The following DCAF4 variants were observed in gnomAD, a reference collection of about 807,000 sequenced individuals.
The protein encoded by DCAF4 is DDB1 and CUL4 associated factor 4, also known as DDB1- and CUL4-associated factor 4.
In DCAF4, 37 loss-of-function variants were observed where a neutral mutation model predicts 60.9. The observed-to-expected ratio is 0.61, with a 90% CI of 0.47 to 0.80. The LOEUF (loss-of-function observed/expected upper bound fraction) is 0.80. Ranked by LOEUF, DCAF4 falls within the 30% of genes least tolerant of loss-of-function variation. The pLI is 0.00. For missense variants in DCAF4, 577 were observed against 650.0 expected, an observed-to-expected ratio of 0.89 and a Z score of 1.22; for synonymous variants, 243 against 254.8, an observed-to-expected ratio of 0.95 and a Z score of 0.44.
chr14:72,938,145 C>T (rs1314480781), intron 2 of DCAF4, 75 bp downstream of exon 2: 1 of 1,511,772 alleles, frequency 6.6e-7, no homozygotes, highest in African/African-American at 1.4e-5. Context: ...GTCACACGAT[C>T]ACAGGTGTGG....
chr14:72,939,328 ATCACC>A (rs1320149485), intron 2 of DCAF4, among the ~76,000 whole-genome samples: 1 of 152,176 alleles, frequency 6.6e-6, no homozygotes, highest in Non-Finnish European at 1.5e-5. Flanking sequence ...TACTGAACTA[ATCACC>A]TCTGTCCCCC....
intron 5 of DCAF4, 149 bp from the exon 6 acceptor site, chr14:72,942,845 A>T: frequency 1.5e-6 from 1 of 656,842 alleles, no homozygotes; most frequent in Non-Finnish European, 2.6e-6. Flanking sequence ...ATAATCTGGG[A>T]TCTTGCTCAG....
At chr14:72,947,503 T>C (rs1890886011) in intron 8 of DCAF4, among the ~76,000 whole-genome samples, 3 of 152,186 alleles carry the variant, frequency 2.0e-5, no homozygotes, top group African/African-American at 7.2e-5. Context: ...GCAGTCTGAC[T>C]CCAAGGCCGG....
Position 72,939,836 on chromosome 14 carries a change from T to A in DCAF4, c.127T>A (p.Ser43Thr). 1 of 1,613,338 alleles carries A rather than the reference T, an allele frequency of 6.2e-7. No homozygotes were observed. Among genetic ancestry groups the A allele is most frequent in the Non-Finnish European group, 8.5e-7 (1 of 1,179,684 alleles). Residue 43 changes from serine to threonine, a missense_variant, in exon 3 of 14, where the codon TCC becomes ACC. Coordinates refer to ENST00000358377, the MANE Select transcript of DCAF4 (RefSeq NM_015604.4). ...DSRAAQPAHD[S>T]GHGDDESPST... ...CCGGGCAGCACAGCCCGCTCACGAT[T>A]CCGGCCACGGTGATGACGAGTCTCC...
intron 1 of DCAF4, chr14:72,929,900 G>C: frequency 6.9e-7 from 1 of 1,449,052 alleles, no homozygotes; most frequent in Non-Finnish European, 9.4e-7. Context: ...CCCTTGTTGA[G>C]GCCCACGGCC....
chr14:72,937,220 G>C (rs557442458), intron 1 of DCAF4, among the ~76,000 whole-genome samples: 521 of 17,156 alleles, frequency 0.03, 5 homozygotes, highest in Middle Eastern at 0.14. Context: ...ATTAACATAT[G>C]GGGGAACAGA....
intron 1 of DCAF4, among the ~76,000 whole-genome samples, chr14:72,932,785 G>T (rs995747581): frequency 3.3e-5 from 5 of 152,074 alleles, no homozygotes; most frequent in African/African-American, 1.2e-4. Context: ...GCCCACACTG[G>T]TCTCAAACTC....
chr14:72,943,892 C>T (rs971307702), intron 6 of DCAF4, among the ~76,000 whole-genome samples: 2 of 152,188 alleles, frequency 1.3e-5, no homozygotes, highest in Admixed American at 6.5e-5. Flanking sequence ...GTTGATACTG[C>T]ATCCTCCTGC....
downstream of DCAF4, chr14:72,961,757 C>T (rs1471587769): frequency 2.2e-6 from 2 of 899,040 alleles, no homozygotes; most frequent in East Asian, 1.1e-4. Flanking sequence ...GCAGTGACTA[C>T]ACCTGGTTGG....
downstream of DCAF4, among the ~76,000 whole-genome samples, chr14:72,959,889 A>G (rs1427223061): frequency 6.6e-6 from 1 of 152,224 alleles, no homozygotes; most frequent in Non-Finnish European, 1.5e-5. Flanking sequence ...GCAGTAGAAC[A>G]CAGAGGGCAA....
At chr14:72,946,216 C>A (rs529214196) in intron 7 of DCAF4, among the ~76,000 whole-genome samples, 189 bp downstream of exon 7, 5 of 149,166 alleles carry the variant, frequency 3.4e-5, no homozygotes, top group Non-Finnish European at 7.4e-5. Context: ...CATGGTGAAA[C>A]CTTGTCTCTA....
chr14:72,944,630 A>G (rs377142284), intron 6 of DCAF4, among the ~76,000 whole-genome samples: 11 of 151,982 alleles, frequency 7.2e-5, no homozygotes, highest in African/African-American at 2.7e-4. Flanking sequence ...CCGTCTCTAC[A>G]AAAAAATATA....
intron 13 of DCAF4, among the ~76,000 whole-genome samples, chr14:72,958,392 C>G (rs1892565617): frequency 6.6e-6 from 1 of 152,226 alleles, no homozygotes; most frequent in Admixed American, 6.5e-5. Flanking sequence ...TGTCTCCGAG[C>G]CATTCATGGC....
intron 9 of DCAF4, among the ~76,000 whole-genome samples, chr14:72,952,644 G>T (rs966104623): frequency 5.3e-5 from 8 of 151,556 alleles, no homozygotes; most frequent in Admixed American, 3.3e-4. Context: ...GGAAAGGGAT[G>T]TGAGGGAGGC....
chr14:72,947,002 C>T (rs932432572), intron 7 of DCAF4, 140 bp from the exon 8 acceptor site: 33 of 1,129,328 alleles, frequency 2.9e-5, no homozygotes, highest in African/African-American at 6.1e-5. Flanking sequence ...GCCCCACCCT[C>T]AGAATGCTTG....
chr14:72,948,388 G>A (rs934107822), intron 8 of DCAF4, among the ~76,000 whole-genome samples: 1 of 152,118 alleles, frequency 6.6e-6, no homozygotes, highest in African/African-American at 2.4e-5. Context: ...AAATACATTA[G>A]CGACCTGATT....
At chr14:72,937,604 A>G (rs1889455146) in intron 1 of DCAF4, among the ~76,000 whole-genome samples, 1 of 151,822 alleles carries the variant, frequency 6.6e-6, no homozygotes, top group Non-Finnish European at 1.5e-5. Flanking sequence ...TATTTTTAGT[A>G]GAGATGGGGT....
At chr14:72,955,500 C>G in intron 11 of DCAF4, 23 bp from the exon 12 acceptor site, 1 of 1,608,898 alleles carries the variant, frequency 6.2e-7, no homozygotes, top group Non-Finnish European at 8.5e-7. Context: ...TAGCCAGGCA[C>G]TGAGCAGTCC....
chr14:72,960,156 A>AT (rs1892753153), downstream of DCAF4, among the ~76,000 whole-genome samples: 1 of 121,002 alleles, frequency 8.3e-6, no homozygotes, highest in Non-Finnish European at 1.8e-5. Context: ...TAAAGAACCA[A>AT]ATTTTTTTTT....
Sources: gnomAD v4.1 joint callset for allele counts (sites outside exome capture counted in the v4.1 genomes callset) on GRCh38, gnomAD v4.1.1 for gene constraint, MANE v1.5 for transcripts, NCBI Gene and HGNC (gene_info 2026-07-23, HGNC 2026-07-21) for gene names.